The following CDH4 variants were observed in gnomAD, a reference collection of about 807,000 sequenced individuals.
The protein encoded by CDH4 is cadherin 4.
In CDH4, 33 loss-of-function variants were observed where a neutral mutation model predicts 86.0. The observed-to-expected ratio is 0.38, with a 90% CI of 0.29 to 0.51. The LOEUF is 0.51. Ranked by LOEUF, CDH4 falls within the 20% of genes least tolerant of loss-of-function variation. The probability of loss-of-function intolerance (pLI) is 0.86; values close to 1 mark genes in which losing one functional copy is unlikely to be tolerated. For missense variants in CDH4, 1,114 were observed against 1,307.4 expected, an observed-to-expected ratio of 0.85 and a Z score of 2.28; for synonymous variants, 555 against 549.4, an observed-to-expected ratio of 1.01 and a Z score of -0.14.
rs72458954 is a variant in CDH4, at chr20:61,495,902, C to CAAA, written c.169+240984_169+240986dup. On this transcript the variant is annotated intron_variant, in intron 2 of 15. Transcript: ENST00000614565. The stretch of plus-strand genomic sequence containing the variant: ...TGGGCAACAGAGTGAGACTCCATCT[C>CAAA]AAAAAAAAAAAAAAAAAAAAAGAGT... Among the ~76,000 whole-genome samples, 460 of 58,044 alleles carry CAAA rather than the reference C, an allele frequency of 7.9e-3. 16 individuals are homozygous for CAAA. Among genetic ancestry groups the CAAA allele is most frequent in the Admixed American group, 0.018 (87 of 4,742 alleles). The allele number at this position is 58,044 out of a possible 152,430, so 38.1% of individuals were successfully genotyped here. A position where few individuals can be genotyped will look rare whatever the true frequency, so the allele number is the denominator to read the frequency against.
At chr20:61,649,272 T>A (rs183219693) in intron 2 of CDH4, among the ~76,000 whole-genome samples, 2 of 152,264 alleles carry the variant, frequency 1.3e-5, no homozygotes, top group East Asian at 3.9e-4. Context: ...CACAGACCCA[T>A]CCTGTGGCCA....
intron 2 of CDH4, among the ~76,000 whole-genome samples, chr20:61,302,073 T>C (rs1275841970): frequency 6.6e-6 from 1 of 152,248 alleles, no homozygotes; most frequent in Non-Finnish European, 1.5e-5. Context: ...CAGATTGTTT[T>C]AATTTGCAAG....
chr20:61,555,891 A>G (rs566693349), intron 2 of CDH4, among the ~76,000 whole-genome samples: 13 of 152,334 alleles, frequency 8.5e-5, no homozygotes, highest in Non-Finnish European at 1.5e-4. Context: ...TCGTGTGACA[A>G]TGTGATTCCA....
At chr20:61,472,414 G>A (rs2085509994) in intron 2 of CDH4, among the ~76,000 whole-genome samples, 1 of 152,046 alleles carries the variant, frequency 6.6e-6, no homozygotes, top group Non-Finnish European at 1.5e-5. Context: ...TTTATTATGT[G>A]CTTTATGGTT....
intron 2 of CDH4, among the ~76,000 whole-genome samples, chr20:61,259,021 G>A (rs2084115710): frequency 6.6e-6 from 1 of 152,142 alleles, no homozygotes; most frequent in African/African-American, 2.4e-5. Flanking sequence ...TCCATCACAT[G>A]GTAGGTGTCC....
rs896717953 is a variant in CDH4, at chr20:61,501,730, G to A, written c.170-241833G>A. Among the ~76,000 whole-genome samples the A allele has an allele frequency of 1.2e-4, 19 of 152,080 alleles. No homozygotes were observed. The highest frequency in any genetic ancestry group is 5.2e-4 in the Admixed American group (8 of 15,270). On this transcript the variant is annotated intron_variant, in intron 2 of 15. Transcript: ENST00000614565. This position sits in a 1 kb window ranked among gnomAD's most constrained non-coding sequence, Gnocchi z 4.2. ...TAGCTATCTTCACAAGCACCACCCC[G>A]CCACTGCCTCCACCATTCGTTAGGG...
chr20:61,388,830 A>T (rs2084965969), intron 2 of CDH4, among the ~76,000 whole-genome samples: 1 of 152,236 alleles, frequency 6.6e-6, no homozygotes, highest in Non-Finnish European at 1.5e-5. Flanking sequence ...AAAACAAAGT[A>T]CATCTAAAAC....
chr20:61,779,187 C>A (rs563306461), intron 4 of CDH4, among the ~76,000 whole-genome samples: 2 of 152,322 alleles, frequency 1.3e-5, no homozygotes, highest in Middle Eastern at 6.8e-3. Flanking sequence ...TACCAATGCA[C>A]AATATGTTCC....
In CDH4 at chr20:61,600,455, G is replaced by A. The variant is rs562395011; in HGVS notation, c.170-143108G>A. Among the ~76,000 whole-genome samples the A allele has an allele frequency of 3.3e-5, 5 of 152,336 alleles. No individual in the cohort carries two copies. The South Asian group carries it at 1.0e-3, about 32-fold the overall frequency. On this transcript the variant is annotated intron_variant, in intron 2 of 15. Transcript: ENST00000614565. Reference sequence around the variant, plus strand: ...GGGGCCTTGAGGGAGTCACTCTAGTGGCTGAGCCTGAGCCATCTCTGCAAC... The same window carrying A: ...GGGGCCTTGAGGGAGTCACTCTAGTAGCTGAGCCTGAGCCATCTCTGCAAC...
At chr20:61,545,162 C>T (rs2086068810) in intron 2 of CDH4, among the ~76,000 whole-genome samples, 1 of 152,344 alleles carries the variant, frequency 6.6e-6, no homozygotes, top group African/African-American at 2.4e-5. Context: ...CTCTGCCACG[C>T]AGCATCGGGA....
intron 2 of CDH4, among the ~76,000 whole-genome samples, chr20:61,728,053 C>G (rs1568781336): frequency 6.6e-6 from 1 of 152,330 alleles, no homozygotes. Context: ...GCCCCTTGGG[C>G]CACCTCAGTG....
At chr20:61,329,412 G>A (rs12625465) in intron 2 of CDH4, among the ~76,000 whole-genome samples, 32,437 of 43,110 alleles carry the variant, frequency 0.75, 11,427 homozygotes, top group African/African-American at 0.83. Context: ...GGATTGCAGC[G>A]TGCGTGGAGG....
intron 4 of CDH4, among the ~76,000 whole-genome samples, chr20:61,803,537 C>T (rs766852718): frequency 1.3e-5 from 2 of 152,202 alleles, no homozygotes; most frequent in Non-Finnish European, 2.9e-5. Context: ...AGTTCATCCT[C>T]CAGCGAATGG....
rs191267949 is a variant in CDH4, at chr20:61,630,967, A to G, written c.170-112596A>G. Among the ~76,000 whole-genome samples the G allele has an allele frequency of 5.3e-5, 8 of 152,344 alleles. No individual in the cohort carries two copies. In the South Asian group the frequency reaches 1.2e-3, roughly 24 times the overall value. On this transcript the variant is annotated intron_variant, in intron 2 of 15. Coordinates refer to ENST00000614565, the MANE Select transcript of CDH4 (RefSeq NM_001794.5). ...GACACAAGGTAAGAAGGAAGTGAGCAGGGATAGGAGGTGGGCGTGCCCCAG... is the reference window on the plus strand; with the variant it reads ...GACACAAGGTAAGAAGGAAGTGAGCGGGGATAGGAGGTGGGCGTGCCCCAG...
intron 2 of CDH4, among the ~76,000 whole-genome samples, chr20:61,647,545 CCCTCT>C (rs2087075875): frequency 9.4e-6 from 1 of 106,530 alleles, no homozygotes; most frequent in African/African-American, 3.4e-5. Context: ...CTCTCCCTCT[CCCTCT>C]CCCTCTCCCT....
At chr20:61,405,667 A>G (rs766668924) in intron 2 of CDH4, among the ~76,000 whole-genome samples, 2 of 151,786 alleles carry the variant, frequency 1.3e-5, no homozygotes, top group Non-Finnish European at 2.9e-5. Context: ...GTCTGGCTAT[A>G]TATATTATAG....
chr20:61,594,568 G>C (rs2086542075), intron 2 of CDH4, among the ~76,000 whole-genome samples: 1 of 152,210 alleles, frequency 6.6e-6, no homozygotes, highest in African/African-American at 2.4e-5. Context: ...CAGCTCAGTG[G>C]GGCTCGAGGG....
At chr20:61,849,108 AGCTGCATC>A (rs1044981199) in intron 5 of CDH4, among the ~76,000 whole-genome samples, 1 of 152,106 alleles carries the variant, frequency 6.6e-6, no homozygotes, top group Non-Finnish European at 1.5e-5. Flanking sequence ...AGGGAGAAGA[AGCTGCATC>A]GTCTGCCAAA....
chr20:61,674,987 G>C (rs2087430805), intron 2 of CDH4, among the ~76,000 whole-genome samples: 2 of 152,262 alleles, frequency 1.3e-5, no homozygotes, highest in South Asian at 4.1e-4. Context: ...AAGAGACATT[G>C]TGGCCCACCC....
Sources: gnomAD v4.1 joint callset for allele counts (sites outside exome capture counted in the v4.1 genomes callset) on GRCh38, gnomAD v4.1.1 for gene constraint, Gnocchi (gnomAD v3.1) non-coding constraint, MANE v1.5 for transcripts, NCBI Gene and HGNC (gene_info 2026-07-23, HGNC 2026-07-21) for gene names.